NR6A1: variants seen among roughly 807,000 people sequenced by gnomAD.
The protein encoded by NR6A1 is retinoic acid receptor-related testis-associated receptor.
NR6A1 carries 7 observed loss-of-function variants against 59.1 expected under a neutral mutation model. That is an observed-to-expected ratio of 0.12 (90% CI 0.07 to 0.22). NR6A1 has a LOEUF of 0.22. Among genes scored for constraint, NR6A1 ranks in the 10% least tolerant of loss-of-function variants. The pLI is 1.00. For missense variants in NR6A1, 468 were observed against 611.6 expected, an observed-to-expected ratio of 0.77 and a Z score of 2.48; for synonymous variants, 243 against 236.1, an observed-to-expected ratio of 1.03 and a Z score of -0.27.
intron 1 of NR6A1, among the ~76,000 whole-genome samples, chr9:124,734,342 A>G (rs949951964): frequency 5.3e-5 from 8 of 152,236 alleles, no homozygotes; most frequent in African/African-American, 1.9e-4. Flanking sequence ...TCACAAGCCT[A>G]GCACGGAGTA....
At chr9:124,534,020 T>A (rs1833176405) in intron 7 of NR6A1, among the ~76,000 whole-genome samples, 1 of 151,532 alleles carries the variant, frequency 6.6e-6, no homozygotes, top group Non-Finnish European at 1.5e-5. Context: ...AATTGGCCAA[T>A]AAAGGTCATT....
chr9:124,592,755 A>G (rs1369898210), intron 2 of NR6A1, among the ~76,000 whole-genome samples: 1 of 152,182 alleles, frequency 6.6e-6, no homozygotes, highest in African/African-American at 2.4e-5. Flanking sequence ...TATTCCTGGA[A>G]GATTTCAAGT....
At chr9:124,711,022 T>A (rs947044578) in intron 2 of NR6A1, among the ~76,000 whole-genome samples, 1 of 152,096 alleles carries the variant, frequency 6.6e-6, no homozygotes, top group Non-Finnish European at 1.5e-5. Context: ...GACATGCATA[T>A]GTCATGTTTC....
chr9:124,561,762 A>G (rs139574623), intron 2 of NR6A1, among the ~76,000 whole-genome samples: 87 of 152,134 alleles, frequency 5.7e-4, no homozygotes, highest in African/African-American at 1.9e-3. Flanking sequence ...AAATACAAAA[A>G]TCAGCCAGGC....
At chr9:124,586,323 C>T (rs1294021492) in intron 2 of NR6A1, among the ~76,000 whole-genome samples, 1 of 152,130 alleles carries the variant, frequency 6.6e-6, no homozygotes, top group Non-Finnish European at 1.5e-5. Context: ...GATTCTAACC[C>T]TCATGGATGA....
intron 4 of NR6A1, among the ~76,000 whole-genome samples, chr9:124,541,465 CACA>C (rs749851637): frequency 2.2e-4 from 33 of 152,060 alleles, no homozygotes; most frequent in East Asian, 7.7e-4. Context: ...TGTAAAAGAA[CACA>C]ACAACAACAA....
chr9:124,681,364 T>C (rs1200465014), intron 2 of NR6A1, among the ~76,000 whole-genome samples: 1 of 136,368 alleles, frequency 7.3e-6, no homozygotes, highest in Middle Eastern at 3.8e-3. Context: ...TTTTTTGAGA[T>C]GGAGTCTCAC....
chr9:124,672,605 A>T (rs528986837), intron 2 of NR6A1, among the ~76,000 whole-genome samples: 1 of 150,714 alleles, frequency 6.6e-6, no homozygotes, highest in South Asian at 2.1e-4. Flanking sequence ...ACAGAGCGAG[A>T]CTCCGTTTCA....
chr9:124,600,895 C>CA (rs1382303178), intron 2 of NR6A1, among the ~76,000 whole-genome samples: 15 of 144,720 alleles, frequency 1.0e-4, no homozygotes, highest in Non-Finnish European at 1.6e-4. Context: ...AAGACGATCT[C>CA]AAAAGATTTT....
chr9:124,564,681 C>CTGTGTGTGTGTGTGTGTGTGTG (rs56301413), intron 2 of NR6A1, among the ~76,000 whole-genome samples: 124 of 149,390 alleles, frequency 8.3e-4, no homozygotes, highest in African/African-American at 2.9e-3. Context: ...AATCCACACT[C>CTGTGTGTGTGTGTGTGTGTGTG]TGTGTGTGTG....
At chr9:124,647,721 T>G (rs1426402173) in intron 2 of NR6A1, among the ~76,000 whole-genome samples, 1 of 102,678 alleles carries the variant, frequency 9.7e-6, no homozygotes. Flanking sequence ...AGTGAGACCG[T>G]CTCAAAAAAA....
In NR6A1 at chr9:124,684,871, A is replaced by G. The variant is rs996128216; in HGVS notation, c.142+48437T>C. ...AGGAAAGCCTCCCAAATCCAAGTCA[A>G]TGGTCCATTTACAATAGTTTTGGGT... On this transcript the variant is annotated intron_variant, in intron 2 of 9. Coordinates refer to ENST00000487099, the MANE Select transcript of NR6A1 (RefSeq NM_033334.4). Among the ~76,000 whole-genome samples, 140 of 152,160 alleles carry G rather than the reference A, an allele frequency of 9.2e-4. 1 individual carries two copies. Among genetic ancestry groups the G allele is most frequent in the African/African-American group, 3.2e-3 (134 of 41,422 alleles).
intron 2 of NR6A1, among the ~76,000 whole-genome samples, chr9:124,725,996 G>C (rs1425570831): frequency 1.3e-5 from 2 of 151,976 alleles, no homozygotes; most frequent in African/African-American, 4.8e-5. Context: ...GGAAAAGAAG[G>C]GTTTTTAACA....
chr9:124,575,392 G>A (rs955727130), intron 2 of NR6A1, among the ~76,000 whole-genome samples: 9 of 152,042 alleles, frequency 5.9e-5, no homozygotes, highest in African/African-American at 2.2e-4. Context: ...TGGGCAACAT[G>A]GTGAAACCCT....
intron 2 of NR6A1, among the ~76,000 whole-genome samples, chr9:124,724,666 A>G (rs1247117212): frequency 6.6e-6 from 1 of 152,252 alleles, no homozygotes. Flanking sequence ...GGACTTCATT[A>G]TATGTAAGCC....
At chr9:124,590,022 A>G (rs937776699) in intron 2 of NR6A1, among the ~76,000 whole-genome samples, 1 of 121,824 alleles carries the variant, frequency 8.2e-6, no homozygotes, top group Non-Finnish European at 1.6e-5. Flanking sequence ...CCGAGATCGC[A>G]CCACTGTTCT....
intron 2 of NR6A1, among the ~76,000 whole-genome samples, chr9:124,555,359 C>T (rs1257803267): frequency 6.6e-6 from 1 of 152,168 alleles, no homozygotes; most frequent in African/African-American, 2.4e-5. Flanking sequence ...CCAGCAGGTA[C>T]AAGAAATCAC....
chr9:124,559,439 A>C (rs1327128660), intron 2 of NR6A1, among the ~76,000 whole-genome samples: 1 of 152,196 alleles, frequency 6.6e-6, no homozygotes, highest in African/African-American at 2.4e-5. Flanking sequence ...TGTACAATCT[A>C]ACCTAGCTCA....
intron 1 of NR6A1, among the ~76,000 whole-genome samples, chr9:124,734,802 G>A (rs1321359563): frequency 2.0e-5 from 3 of 152,222 alleles, no homozygotes; most frequent in Admixed American, 6.5e-5. Flanking sequence ...CGTCATATGG[G>A]AGAAATGAGA....
Sources: allele counts gnomAD v4.1 joint callset (sites outside exome capture counted in the v4.1 genomes callset), GRCh38; gene constraint gnomAD v4.1.1; transcripts MANE v1.5; gene names NCBI Gene and HGNC (gene_info 2026-07-23, HGNC 2026-07-21).